Variants in ROCK2 observed in about 807,000 individuals in gnomAD.
ROCK2 encodes the protein Rho associated coiled-coil containing protein kinase 2, also known as rho-associated protein kinase 2.
In ROCK2, 61 loss-of-function variants were observed where a neutral mutation model predicts 195.1. That is an observed-to-expected ratio of 0.31 (90% CI 0.25 to 0.39). ROCK2 has a LOEUF of 0.39. Among genes scored for constraint, ROCK2 ranks in the 10% least tolerant of loss-of-function variants. The pLI is 1.00. For synonymous variants in ROCK2, 504 were observed against 545.5 expected (o/e 0.92, Z 1.06); for missense variants, 1,109 against 1,637.4 (o/e 0.68, Z 5.57).
chr2:11,282,874 A>G (rs1419684822), intron 3 of ROCK2, among the ~76,000 whole-genome samples: 1 of 152,194 alleles, frequency 6.6e-6, no homozygotes, highest in Non-Finnish European at 1.5e-5. Context: ...ATTATCCAAA[A>G]GAATTTGTTA....
intron 1 of ROCK2, among the ~76,000 whole-genome samples, chr2:11,336,071 T>C (rs933116819): frequency 2.6e-5 from 4 of 152,234 alleles, no homozygotes; most frequent in South Asian, 4.1e-4. Context: ...AAGGAGATTG[T>C]AGATAAGTGC....
chr2:11,278,121 G>A (rs1223938995), intron 3 of ROCK2, among the ~76,000 whole-genome samples: 1 of 152,128 alleles, frequency 6.6e-6, no homozygotes. Context: ...TTCTTTTAGA[G>A]ATTTTTTGAA....
intron 3 of ROCK2, among the ~76,000 whole-genome samples, chr2:11,268,910 T>C (rs762090479): frequency 1.3e-5 from 2 of 152,230 alleles, no homozygotes; most frequent in African/African-American, 4.8e-5. Flanking sequence ...TCTATTTGAA[T>C]GTGTCCTACT....
Position 11,218,989 on chromosome 2 carries a change from A to G in ROCK2, c.1297T>C (p.Ser433Pro). ...ACTTCATTTTTCCTTGATTGTATGG[A>G]ATCAGTTTCTCTACAAGATGGAGAG... is the stretch of plus-strand genomic sequence containing the variant. Reference protein sequence around the residue: ...SDSPSCRETDSIQSRKNEESQ... With the variant: ...SDSPSCRETDPIQSRKNEESQ... The change falls in exon 10 of 33, where the codon TCC (serine) becomes CCC (proline). Residue 433 changes from serine to proline, a missense_variant. By Grantham distance (74) the Ser-to-Pro change is moderately conservative. Around this residue, in one of 6 missense-constraint regions of ROCK2, gnomAD observed 542 missense variants for 672.0 expected, o/e 0.81. Coordinates refer to ENST00000315872, the MANE Select transcript of ROCK2 (RefSeq NM_004850.5). 2 of 1,478,004 alleles carry G rather than the reference A, an allele frequency of 1.4e-6. No individual in the cohort carries two copies. Among genetic ancestry groups the G allele is most frequent in the Non-Finnish European group, 9.3e-7 (1 of 1,078,914 alleles). 91.6% of individuals were successfully genotyped at this position (1,478,004 alleles called of 1,614,324 possible).
intron 18 of ROCK2, among the ~76,000 whole-genome samples, chr2:11,208,738 G>A (rs969497474): frequency 2.6e-5 from 4 of 151,764 alleles, no homozygotes; most frequent in East Asian, 1.9e-4. Context: ...GATTACAGGC[G>A]TGTGCCACCA....
intron 3 of ROCK2, among the ~76,000 whole-genome samples, chr2:11,259,955 G>C (rs764702305): frequency 6.6e-6 from 1 of 151,238 alleles, no homozygotes; most frequent in Admixed American, 6.6e-5. Context: ...GAAAATAAAT[G>C]CACAGGAAAG....
rs1669233403 is a variant in ROCK2 at position 11,344,625 on chromosome 2, G to GGCCGCCCGTCTCCGGCCGCGCGCC, written c.-490_-489insGGCGCGCGGCCGGAGACGGGCGGC. The GGCCGCCCGTCTCCGGCCGCGCGCC allele has an allele frequency of 1.1e-4, 22 of 204,788 alleles. No homozygotes were observed. The Admixed American group carries it at 1.1e-3, about 10-fold the overall frequency. The allele number at this position is 204,788 out of a possible 1,614,324, so 12.7% of individuals were successfully genotyped here. A position where few individuals can be genotyped will look rare whatever the true frequency, so the allele number is the denominator to read the frequency against. On this transcript the variant is annotated 5_prime_UTR_variant, in exon 1 of 33. Transcript: ENST00000315872. The surrounding 1 kb of genome is among the most constrained non-coding windows in gnomAD (Gnocchi z 5.4). Reference sequence around the variant, plus strand: ...GCTCCCGGCGCACACACTCCCGCGCGGCCGCCCGTCTCCGGCCGCGCGCCG... The same window carrying GGCCGCCCGTCTCCGGCCGCGCGCC: ...GCTCCCGGCGCACACACTCCCGCGCGGCCGCCCGTCTCCGGCCGCGCGCCGCCGCCCGTCTCCGGCCGCGCGCCG...
intron 1 of ROCK2, among the ~76,000 whole-genome samples, chr2:11,327,091 T>C (rs952128378): frequency 2.6e-5 from 4 of 152,236 alleles, no homozygotes; most frequent in African/African-American, 9.6e-5. Flanking sequence ...TATCCATCAC[T>C]GCTCAACAAA....
intron 3 of ROCK2, among the ~76,000 whole-genome samples, chr2:11,275,009 C>A (rs1485040323): frequency 1.3e-5 from 2 of 152,164 alleles, no homozygotes; most frequent in Non-Finnish European, 2.9e-5. Flanking sequence ...GTAATCCCAG[C>A]ACTTTGGGAG....
At chr2:11,313,632 T>C (rs1325285899) in intron 1 of ROCK2, among the ~76,000 whole-genome samples, 3 of 151,984 alleles carry the variant, frequency 2.0e-5, no homozygotes, top group South Asian at 2.1e-4. Flanking sequence ...CTCAGTTTTT[T>C]TCTCTCTCTT....
intron 3 of ROCK2, among the ~76,000 whole-genome samples, chr2:11,256,792 C>T (rs1666051496): frequency 6.6e-6 from 1 of 151,170 alleles, no homozygotes; most frequent in Non-Finnish European, 1.5e-5. Context: ...ATTCTAATTA[C>T]GTATGCATCT....
chr2:11,277,794 T>C (rs906408004), intron 3 of ROCK2, among the ~76,000 whole-genome samples: 5 of 152,208 alleles, frequency 3.3e-5, no homozygotes, highest in Admixed American at 6.5e-5. Context: ...TAAACGTGTG[T>C]GCAAGTATCT....
chr2:11,228,224 G>A (rs1664880506), intron 5 of ROCK2, among the ~76,000 whole-genome samples: 1 of 152,062 alleles, frequency 6.6e-6, no homozygotes, highest in African/African-American at 2.4e-5. Flanking sequence ...TCCTTTACCT[G>A]CCCAGTAAAG....
rs1662980640 is a variant in ROCK2 at position 11,181,297 on chromosome 2, TAATG to T, written c.*2136_*2139del. On this transcript the variant is annotated 3_prime_UTR_variant, in exon 33 of 33. Transcript: ENST00000315872. ...TAATTCAGTCTCCTTTTAACAACTC[TAATG>T]AATGGAAATATTTATTCTATATAAA... 1.3e-5 allele frequency: 2 copies of T among 150,314 alleles called. No homozygotes were observed. Among genetic ancestry groups the T allele is most frequent in the Non-Finnish European group, 1.5e-5 (1 of 67,632 alleles). The allele number at this position is 150,314 out of a possible 1,614,324, so 9.3% of individuals were successfully genotyped here. A position where few individuals can be genotyped will look rare whatever the true frequency, so the allele number is the denominator to read the frequency against.
intron 4 of ROCK2, among the ~76,000 whole-genome samples, chr2:11,238,188 C>A (rs1422515038): frequency 1.0e-5 from 1 of 98,530 alleles, no homozygotes; most frequent in Non-Finnish European, 1.9e-5. Flanking sequence ...CATGATAAGG[C>A]TGGTTACCAA....
chr2:11,270,638 AG>A, intron 3 of ROCK2, among the ~76,000 whole-genome samples: 1 of 152,202 alleles, frequency 6.6e-6, no homozygotes, highest in Non-Finnish European at 1.5e-5. Flanking sequence ...TCTAGCAATA[AG>A]TCTATCAAAG....
At chr2:11,345,112 T>C (rs921006006), upstream of ROCK2, among the ~76,000 whole-genome samples, 1 of 151,986 alleles carries the variant, frequency 6.6e-6, no homozygotes, top group Non-Finnish European at 1.5e-5. Flanking sequence ...GCGACCGAGC[T>C]CGGCGCCCGC....
chr2:11,296,415 A>C (rs1289527205), intron 1 of ROCK2, among the ~76,000 whole-genome samples: 3 of 152,220 alleles, frequency 2.0e-5, no homozygotes. Context: ...TGTCAATTAA[A>C]TAAACAGAAC....
chr2:11,263,032 C>G (rs750562799), intron 3 of ROCK2, among the ~76,000 whole-genome samples: 43 of 152,142 alleles, frequency 2.8e-4, no homozygotes, highest in Non-Finnish European at 5.3e-4. Context: ...ATGGGGGATA[C>G]AGAAATTACA....
Sources: gnomAD v4.1 joint callset for allele counts (sites outside exome capture counted in the v4.1 genomes callset) on GRCh38, gnomAD v4.1.1 for gene constraint, gnomAD v4.1.1 regional missense constraint, Gnocchi (gnomAD v3.1) non-coding constraint, MANE v1.5 for transcripts, NCBI Gene and HGNC (gene_info 2026-07-23, HGNC 2026-07-21) for gene names.